RBFOX1: variants seen among roughly 807,000 people sequenced by gnomAD.
RBFOX1 encodes RNA binding fox-1 homolog 1.
A neutral mutation model predicts 57.7 loss-of-function variants in RBFOX1; 8 were observed. That is an observed-to-expected ratio of 0.14 (90% CI 0.08 to 0.25). RBFOX1 has a LOEUF of 0.25. RBFOX1 is among the 10% of genes least tolerant of loss of function. The pLI, the probability that RBFOX1 is intolerant of heterozygous loss-of-function variation, is 1.00. For missense variants in RBFOX1, 611 were observed against 548.5 expected, an observed-to-expected ratio of 1.11 and a Z score of -1.14; for synonymous variants, 326 against 222.4, an observed-to-expected ratio of 1.47 and a Z score of -4.15.
intron 4 of RBFOX1, among the ~76,000 whole-genome samples, chr16:7,344,961 C>T (rs1335483408): frequency 6.6e-6 from 1 of 151,676 alleles, no homozygotes; most frequent in Non-Finnish European, 1.5e-5. Flanking sequence ...TCACAGCGGG[C>T]TGTCAGGAGG....
intron 4 of RBFOX1, among the ~76,000 whole-genome samples, chr16:7,340,944 G>A (rs2096879177): frequency 6.6e-6 from 1 of 152,114 alleles, no homozygotes; most frequent in African/African-American, 2.4e-5. Flanking sequence ...ATAATACGTT[G>A]GCACAGGGCA....
At chr16:6,559,762 A>G (rs976481045) in intron 2 of RBFOX1, among the ~76,000 whole-genome samples, 1 of 152,058 alleles carries the variant, frequency 6.6e-6, no homozygotes, top group Non-Finnish European at 1.5e-5. Context: ...TATATTGAAC[A>G]CCTACTATGT....
chr16:5,651,260 C>T (rs2049230885), intron 3 of RBFOX1, among the ~76,000 whole-genome samples: 1 of 151,858 alleles, frequency 6.6e-6, no homozygotes. Context: ...ACTATGTTGA[C>T]CAGGCTGGTC....
At chr16:5,705,561 C>T (rs59301542) in intron 3 of RBFOX1, among the ~76,000 whole-genome samples, 1 of 152,066 alleles carries the variant, frequency 6.6e-6, no homozygotes, top group Non-Finnish European at 1.5e-5. Context: ...CATTAGTACA[C>T]ACAATTTGTT....
intron 4 of RBFOX1, among the ~76,000 whole-genome samples, chr16:7,515,836 G>A (rs371232113): frequency 3.5e-5 from 5 of 144,524 alleles, no homozygotes; most frequent in African/African-American, 5.2e-5. Context: ...GTGGCAGTTC[G>A]TTGTTGTTGT....
In RBFOX1 at chr16:7,353,425, T is replaced by G. The variant is rs79630354; in HGVS notation, c.28-164722T>G. Among the ~76,000 whole-genome samples the G allele has an allele frequency of 7.8e-3, 1,184 of 152,288 alleles. 90 individuals are homozygous for G. The East Asian group carries it at 0.15, about 20-fold the overall frequency. ...TGAGTATTTTTCTTAAAAAAATTACTCAGTTATTATGACCCAGCAATTCTG... is the reference window on the plus strand; with the variant it reads ...TGAGTATTTTTCTTAAAAAAATTACGCAGTTATTATGACCCAGCAATTCTG... On this transcript the variant is annotated intron_variant, in intron 4 of 15. Transcript: ENST00000550418.
intron 4 of RBFOX1, among the ~76,000 whole-genome samples, chr16:7,331,231 A>G (rs1430994890): frequency 1.3e-5 from 2 of 152,130 alleles, no homozygotes; most frequent in East Asian, 3.9e-4. Context: ...GATTTAGAAA[A>G]CGCCAATAGT....
chr16:5,843,205 A>T (rs905178538), intron 3 of RBFOX1, among the ~76,000 whole-genome samples: 12 of 152,158 alleles, frequency 7.9e-5, no homozygotes, highest in Admixed American at 2.0e-4. Context: ...CTCACGTCTC[A>T]GGGGTTTGTT....
intron 4 of RBFOX1, among the ~76,000 whole-genome samples, chr16:7,449,705 G>C (rs1401114792): frequency 8.0e-6 from 1 of 125,178 alleles, no homozygotes; most frequent in Non-Finnish European, 1.6e-5. Flanking sequence ...TGGAGAAAAA[G>C]AAACATGTAT....
chr16:6,911,295 G>C (rs575504989), intron 3 of RBFOX1, among the ~76,000 whole-genome samples: 5 of 152,030 alleles, frequency 3.3e-5, no homozygotes, highest in Non-Finnish European at 1.5e-5. Context: ...AAACTAGGAG[G>C]CTTCGGCAAC....
chr16:7,605,326 T>C (rs1302271974), intron 9 of RBFOX1, among the ~76,000 whole-genome samples: 1 of 152,210 alleles, frequency 6.6e-6, no homozygotes. Flanking sequence ...AGGGTGTCAG[T>C]ATGAAATTTC....
intron 3 of RBFOX1, among the ~76,000 whole-genome samples, chr16:5,611,833 C>G (rs1015500775): frequency 7.2e-6 from 1 of 138,532 alleles, no homozygotes; most frequent in Non-Finnish European, 1.5e-5. Context: ...CATCTACTCT[C>G]CCGTCACTCA....
chr16:7,124,538 C>T (rs1481386264), intron 4 of RBFOX1, among the ~76,000 whole-genome samples: 2 of 62,362 alleles, frequency 3.2e-5, no homozygotes, highest in South Asian at 1.2e-3. Context: ...TCCTTCCTTC[C>T]CTCTCTCCCT....
At chr16:5,655,086 CA>C (rs2151375938) in intron 3 of RBFOX1, among the ~76,000 whole-genome samples, 1 of 152,282 alleles carries the variant, frequency 6.6e-6, no homozygotes, top group Non-Finnish European at 1.5e-5. Flanking sequence ...ACTTAGGAGA[CA>C]AATCTAAGAG....
At chr16:6,661,505 T>A (rs2098701405) in intron 3 of RBFOX1, among the ~76,000 whole-genome samples, 1 of 152,114 alleles carries the variant, frequency 6.6e-6, no homozygotes, top group Non-Finnish European at 1.5e-5. Flanking sequence ...CAATCCTCTG[T>A]CCCCACAGAA....
At chr16:7,044,193 G>A (rs930358906) in intron 3 of RBFOX1, among the ~76,000 whole-genome samples, 1 of 152,140 alleles carries the variant, frequency 6.6e-6, no homozygotes, top group Non-Finnish European at 1.5e-5. Flanking sequence ...GGGTATGGGT[G>A]TGTATGTGTG....
chr16:6,722,841 A>G (rs2066297994), intron 3 of RBFOX1, among the ~76,000 whole-genome samples: 1 of 152,196 alleles, frequency 6.6e-6, no homozygotes, highest in African/African-American at 2.4e-5. Context: ...ATTCATCAGT[A>G]AGAAATCCAA....
chr16:6,747,654 C>A (rs776878338), intron 3 of RBFOX1, among the ~76,000 whole-genome samples: 1 of 152,098 alleles, frequency 6.6e-6, no homozygotes, highest in Non-Finnish European at 1.5e-5. Flanking sequence ...AAGTTGCTAT[C>A]CCACACCACC....
intron 4 of RBFOX1, among the ~76,000 whole-genome samples, chr16:7,057,459 A>G (rs1334866694): frequency 6.6e-6 from 1 of 152,142 alleles, no homozygotes; most frequent in Non-Finnish European, 1.5e-5. Context: ...CTCTACCTTT[A>G]TGCACACATC....
Sources: gnomAD v4.1 joint callset for allele counts (sites outside exome capture counted in the v4.1 genomes callset) on GRCh38, gnomAD v4.1.1 for gene constraint, MANE v1.5 for transcripts, NCBI Gene and HGNC (gene_info 2026-07-23, HGNC 2026-07-21) for gene names.